Variants in GOLGA7 observed in about 807,000 individuals in gnomAD.
GOLGA7 encodes golgin A7, also known as golgin subfamily A member 7.
Under a neutral mutation model 21.1 loss-of-function variants are expected in GOLGA7, and 10 were observed. The observed-to-expected ratio is 0.47, with a 90% confidence interval of 0.29 to 0.80. The LOEUF (loss-of-function observed/expected upper bound fraction) is 0.80. Ranked by LOEUF, GOLGA7 falls within the 30% of genes least tolerant of loss-of-function variation. The probability of loss-of-function intolerance (pLI) is 0.08; values close to 1 mark genes in which losing one functional copy is unlikely to be tolerated. For synonymous variants in GOLGA7, 64 were observed against 62.6 expected, an observed-to-expected ratio of 1.02 and a Z score of -0.10; for missense variants, 114 against 166.8, an observed-to-expected ratio of 0.68 and a Z score of 1.74.
At chr8:41,497,055 C>T (rs976100748) in intron 1 of GOLGA7, among the ~76,000 whole-genome samples, 1 of 151,710 alleles carries the variant, frequency 6.6e-6, no homozygotes, top group Non-Finnish European at 1.5e-5. Context: ...CGTGATCCGC[C>T]CACCTCAGCC....
At chr8:41,491,668 A>T (rs1457009170) in intron 1 of GOLGA7, among the ~76,000 whole-genome samples, 1 of 48,120 alleles carries the variant, frequency 2.1e-5, no homozygotes, top group African/African-American at 5.8e-5. Context: ...CAGACCTAGC[A>T]AAACTTTAAA....
chr8:41,508,631 A>C (rs1806347255), intron 4 of GOLGA7, among the ~76,000 whole-genome samples: 2 of 152,204 alleles, frequency 1.3e-5, no homozygotes, highest in African/African-American at 4.8e-5. Flanking sequence ...TTGTGTAATC[A>C]TGTGTTTTTC....
At chr8:41,492,696 A>C (rs1805913208) in intron 1 of GOLGA7, among the ~76,000 whole-genome samples, 2 of 152,210 alleles carry the variant, frequency 1.3e-5, no homozygotes. Context: ...TATACATGGA[A>C]TCAATCAAAT....
chr8:41,505,850 C>T, intron 2 of GOLGA7, 61 bp from the exon 3 acceptor site: 1 of 863,208 alleles, frequency 1.2e-6, no homozygotes, highest in East Asian at 2.5e-5. Context: ...TGAGATCTCA[C>T]TAACACTTAA....
At chr8:41,509,206 A>G (rs2150448858) in intron 4 of GOLGA7, among the ~76,000 whole-genome samples, 2 of 152,362 alleles carry the variant, frequency 1.3e-5, no homozygotes, top group East Asian at 3.9e-4. Context: ...GCACTATTCT[A>G]AATGCTTAAT....
chr8:41,498,932 A>G (rs1806084591), intron 2 of GOLGA7, among the ~76,000 whole-genome samples: 1 of 152,220 alleles, frequency 6.6e-6, no homozygotes, highest in African/African-American at 2.4e-5. Flanking sequence ...ATAAGAATAT[A>G]TTATGACCCA....
At chr8:41,504,186 G>C (rs914992075) in intron 2 of GOLGA7, among the ~76,000 whole-genome samples, 1 of 147,682 alleles carries the variant, frequency 6.8e-6, no homozygotes, top group East Asian at 2.0e-4. Flanking sequence ...GCTTGAACCA[G>C]ATAAAAGAAT....
chr8:41,496,767 A>G (rs1462919403), intron 1 of GOLGA7, among the ~76,000 whole-genome samples: 1 of 111,496 alleles, frequency 9.0e-6, no homozygotes, highest in African/African-American at 3.4e-5. Flanking sequence ...ACTAGGCTTT[A>G]TATTTGCCTA....
chr8:41,499,215 C>T (rs1806091671), intron 2 of GOLGA7, among the ~76,000 whole-genome samples: 1 of 152,154 alleles, frequency 6.6e-6, no homozygotes, highest in Non-Finnish European at 1.5e-5. Flanking sequence ...TACAGATGGG[C>T]AGGCTGTGGG....
rs1806410434 is a variant in GOLGA7 at position 41,510,957 on chromosome 8, AT to A, written c.*1391del. 1.2e-5 allele frequency: 2 copies of A among 169,238 alleles called. No individual in the cohort carries two copies. Among genetic ancestry groups the A allele is most frequent in the African/African-American group, 4.8e-5 (2 of 41,624 alleles). The allele number at this position is 169,238 out of a possible 1,614,324, so 10.5% of individuals were successfully genotyped here. ...AATAACTTTGCTGAAATATTAACAC[AT>A]TAATAAAACTTTTCTTAAACAAGTT... On this transcript the variant is annotated 3_prime_UTR_variant, in exon 5 of 5. Coordinates refer to ENST00000357743, the MANE Select transcript of GOLGA7 (RefSeq NM_001002296.2).
At chr8:41,498,248 T>A (rs1450031950) in intron 2 of GOLGA7, among the ~76,000 whole-genome samples, 1 of 152,242 alleles carries the variant, frequency 6.6e-6, no homozygotes, top group Non-Finnish European at 1.5e-5. Context: ...CCTTATTCTG[T>A]CTCTCCTAGA....
In GOLGA7 at chr8:41,510,712, A is replaced by G. The variant is rs917536894; in HGVS notation, c.*1144A>G. 3 of 152,662 alleles carry G rather than the reference A, an allele frequency of 2.0e-5. No individual in the cohort carries two copies. The highest frequency in any genetic ancestry group is 4.8e-5 in the African/African-American group (2 of 41,412). 9.5% of individuals were successfully genotyped at this position (152,662 alleles called of 1,614,324 possible). On this transcript the variant is annotated 3_prime_UTR_variant, in exon 5 of 5. Coordinates refer to ENST00000357743, the MANE Select transcript of GOLGA7 (RefSeq NM_001002296.2). The stretch of plus-strand genomic sequence containing the variant: ...GGGGTTTGAGAGCGCTGTATTTGGG[A>G]GAGAGTTTAAAAATACATTAGGAGA...
At chr8:41,499,090 T>G (rs1048678710) in intron 2 of GOLGA7, among the ~76,000 whole-genome samples, 2 of 152,214 alleles carry the variant, frequency 1.3e-5, no homozygotes, top group African/African-American at 4.8e-5. Flanking sequence ...AGTATAGTTA[T>G]TTATATCCTT....
At chr8:41,506,553 A>G (rs1357620785) in intron 3 of GOLGA7, among the ~76,000 whole-genome samples, 1 of 152,194 alleles carries the variant, frequency 6.6e-6, no homozygotes, top group Non-Finnish European at 1.5e-5. Flanking sequence ...ATTTAGCTTG[A>G]TAACTGGAGT....
chr8:41,491,084 A>C (rs558659103), intron 1 of GOLGA7, 119 bp downstream of exon 1: 1 of 667,558 alleles, frequency 1.5e-6, no homozygotes, highest in East Asian at 2.7e-5. Context: ...AGGTCCAGGC[A>C]CAGAAGGGGC....
intron 2 of GOLGA7, among the ~76,000 whole-genome samples, chr8:41,505,591 C>T (rs1806264694): frequency 6.6e-6 from 1 of 152,152 alleles, no homozygotes. Context: ...TGTATATAAC[C>T]ATCTGTGTGT....
chr8:41,495,719 G>A (rs1369444685), intron 1 of GOLGA7, among the ~76,000 whole-genome samples: 2 of 144,692 alleles, frequency 1.4e-5, no homozygotes, highest in East Asian at 1.9e-4. Context: ...GAATTCATAC[G>A]TAAGTAGTTA....
At chr8:41,508,518 C>G (rs1166321220) in intron 4 of GOLGA7, among the ~76,000 whole-genome samples, 8 of 152,232 alleles carry the variant, frequency 5.3e-5, no homozygotes, top group Admixed American at 5.2e-4. Flanking sequence ...CTCAAACAAC[C>G]AGCAACCTTC....
intron 1 of GOLGA7, among the ~76,000 whole-genome samples, chr8:41,493,891 A>G (rs1335632727): frequency 3.3e-5 from 5 of 152,212 alleles, no homozygotes; most frequent in Admixed American, 6.5e-5. Flanking sequence ...AACACTGGCC[A>G]CTGTTATTCA....
Sources: allele counts gnomAD v4.1 joint callset (sites outside exome capture counted in the v4.1 genomes callset), GRCh38; gene constraint gnomAD v4.1.1; transcripts MANE v1.5; gene names NCBI Gene and HGNC (gene_info 2026-07-23, HGNC 2026-07-21).